ATXN3: variants seen among roughly 807,000 people sequenced by gnomAD.
ATXN3 encodes ataxin-3.
ATXN3 carries 28 observed loss-of-function variants against 58.2 expected under a neutral mutation model. That is an observed-to-expected ratio of 0.48 (90% CI 0.36 to 0.66). ATXN3 has a LOEUF of 0.66. Ranked by LOEUF, ATXN3 falls within the 30% of genes least tolerant of loss-of-function variation. The pLI, the probability that ATXN3 is intolerant of heterozygous loss-of-function variation, is 0.00. For missense variants in ATXN3, 321 were observed against 422.1 expected (o/e 0.76, Z 2.10); for synonymous variants, 113 against 138.5 (o/e 0.82, Z 1.29).
At chr14:92,051,638 A>AT (rs1224103885), upstream of ATXN3, among the ~76,000 whole-genome samples, 3,114 of 68,766 alleles carry the variant, frequency 0.045, 59 homozygotes, top group Non-Finnish European at 0.071. Context: ...ATTTATTTTA[A>AT]TTTTTTTTTT....
downstream of ATXN3, among the ~76,000 whole-genome samples, chr14:92,054,256 C>T (rs964729107): frequency 3.3e-5 from 5 of 152,122 alleles, no homozygotes; most frequent in African/African-American, 9.7e-5. Flanking sequence ...TGAATAGGAG[C>T]TGGGTAAAAT....
In ATXN3 at chr14:92,064,169, C is replaced by T. The variant is rs709930; in HGVS notation, c.*151G>A. 0.26 allele frequency: 136,993 copies of T among 525,556 alleles called. 18,866 individuals carry two copies. Among genetic ancestry groups the T allele is most frequent in the East Asian group, 0.39 (12,534 of 31,748 alleles). 32.6% of individuals were successfully genotyped at this position (525,556 alleles called of 1,614,324 possible). A position where few individuals can be genotyped will look rare whatever the true frequency, so the allele number is the denominator to read the frequency against. ...GATCATTATTTAGTCCTACAACCGACGCATTGTTCCACTTTCCCATCATTT... is the reference window on the plus strand; with the variant it reads ...GATCATTATTTAGTCCTACAACCGATGCATTGTTCCACTTTCCCATCATTT... On this transcript the variant is annotated 3_prime_UTR_variant, in exon 11 of 11. Transcript: ENST00000644486.
chr14:92,098,413 C>T (rs945367311), intron 1 of ATXN3, among the ~76,000 whole-genome samples: 5 of 152,122 alleles, frequency 3.3e-5, no homozygotes, highest in Non-Finnish European at 5.9e-5. Context: ...TACGGTGAAA[C>T]CTCGTCTCTA....
intron 10 of ATXN3, among the ~76,000 whole-genome samples, chr14:92,065,507 G>A (rs894202108): frequency 1.3e-5 from 2 of 152,046 alleles, no homozygotes; most frequent in Non-Finnish European, 2.9e-5. Flanking sequence ...GCCGAGGCAG[G>A]CAGATTGCTT....
rs2057839518 is a variant in ATXN3, at chr14:92,062,363, A to G, written c.*1957T>C. The G allele has an allele frequency of 6.6e-6, 1 of 152,332 alleles. No individual in the cohort carries two copies. Among genetic ancestry groups the G allele is most frequent in the Middle Eastern group, 3.4e-3 (1 of 294 alleles). 9.4% of individuals were successfully genotyped at this position (152,332 alleles called of 1,614,324 possible). On this transcript the variant is annotated 3_prime_UTR_variant, in exon 11 of 11. Coordinates refer to ENST00000644486, the MANE Select transcript of ATXN3 (RefSeq NM_004993.6). ...GGTATATATGAACTTTATAAACTCT[A>G]AAGTTAAAACTTTAAAATGCATATT...
At position 92,081,081 on chromosome 14, in the gene ATXN3, C is replaced by T. The variant is rs761553; in HGVS notation, c.776-20G>A. 19 of 1,476,082 alleles carry T rather than the reference C, an allele frequency of 1.3e-5. No individual in the cohort carries two copies. Among genetic ancestry groups the T allele is most frequent in the Non-Finnish European group, 1.8e-5 (19 of 1,056,856 alleles). The allele number at this position is 1,476,082 out of a possible 1,614,324, so 91.4% of individuals were successfully genotyped here. ...AACTACCTGAAAACAAAACACAACACAACAAAAACCAATCACTGTATTTAC... is the reference window on the plus strand; with the variant it reads ...AACTACCTGAAAACAAAACACAACATAACAAAAACCAATCACTGTATTTAC... On this transcript the variant is annotated intron_variant, in intron 8 of 10. Transcript: ENST00000644486.
intron 10 of ATXN3, chr14:92,070,719 T>A: frequency 7.8e-7 from 1 of 1,276,760 alleles, no homozygotes; most frequent in Middle Eastern, 2.7e-4. Flanking sequence ...GTGCTGGGAT[T>A]ACAGATGTGA....
rs929062309 is a variant in ATXN3, at chr14:92,062,073, A to G, written c.*2247T>C. 4.6e-5 allele frequency: 7 copies of G among 152,398 alleles called. No homozygotes were observed. Among genetic ancestry groups the G allele is most frequent in the East Asian group, 1.9e-4 (1 of 5,188 alleles). 9.4% of individuals were successfully genotyped at this position (152,398 alleles called of 1,614,324 possible). On this transcript the variant is annotated 3_prime_UTR_variant, in exon 11 of 11. Transcript: ENST00000644486. ...GAGTTCGAGACCAGCCTGGCCAAAC[A>G]TGATGAAACCGCGTCTCTACCAAAA...
chr14:92,085,649 G>A (rs1416172498), intron 6 of ATXN3, among the ~76,000 whole-genome samples: 1 of 152,162 alleles, frequency 6.6e-6, no homozygotes, highest in Non-Finnish European at 1.5e-5. Flanking sequence ...TATGGAAATG[G>A]AAAACCTGAT....
At position 92,060,061 on chromosome 14, in the gene ATXN3, TAA is replaced by T. The variant is rs2057650550; in HGVS notation, c.*4257_*4258del. 1.3e-5 allele frequency: 2 copies of T among 149,620 alleles called. No homozygotes were observed. Among genetic ancestry groups the T allele is most frequent in the African/African-American group, 2.4e-5 (1 of 41,020 alleles). 9.3% of individuals were successfully genotyped at this position (149,620 alleles called of 1,614,324 possible). On this transcript the variant is annotated 3_prime_UTR_variant, in exon 11 of 11. Transcript: ENST00000644486. ...CAGGTGCCCGCCACCATACCTGGCT[TAA>T]GTTTTGTATTTTTAGTAGAGATGGG...
In ATXN3 at chr14:92,060,750, T is replaced by TTTTA. The variant is rs1216047120; in HGVS notation, c.*3569_*3570insTAAA. On this transcript the variant is annotated 3_prime_UTR_variant, in exon 11 of 11. Coordinates refer to ENST00000644486, the MANE Select transcript of ATXN3 (RefSeq NM_004993.6). ...ACTAGCATGATTTTTTTTTTTTTTT[T>TTTTA]GAGACAGAGTCTCACTCTGTCGCCC... is the stretch of plus-strand genomic sequence containing the variant. The TTTTA allele has an allele frequency of 1.3e-5, 2 of 151,648 alleles. No individual in the cohort carries two copies. The highest frequency in any genetic ancestry group is 1.9e-4 in the East Asian group (1 of 5,156). The allele number at this position is 151,648 out of a possible 1,614,324, so 9.4% of individuals were successfully genotyped here. A position where few individuals can be genotyped will look rare whatever the true frequency, so the allele number is the denominator to read the frequency against.
intron 10 of ATXN3, among the ~76,000 whole-genome samples, chr14:92,065,803 C>T (rs1314358306): frequency 2.6e-5 from 4 of 152,088 alleles, no homozygotes. Flanking sequence ...ATGGCGTGAA[C>T]CCGGGAGGCA....
chr14:92,089,183 A>G (rs1183084709), intron 5 of ATXN3, among the ~76,000 whole-genome samples: 1 of 145,188 alleles, frequency 6.9e-6, no homozygotes, highest in African/African-American at 2.6e-5. Flanking sequence ...CACCCAGCTA[A>G]TTTTTGTATT....
Position 92,106,512 on chromosome 14 carries a change from C to G in ATXN3, c.24+17G>C. On this transcript the variant is annotated intron_variant, in intron 1 of 10. Coordinates refer to ENST00000644486, the MANE Select transcript of ATXN3 (RefSeq NM_004993.6). Reference sequence around the variant, plus strand: ...CACCGCGCGGCAGACAGCTCCCCACCGAACGCGGACACTCACTTTCTCGTG... The same window carrying G: ...CACCGCGCGGCAGACAGCTCCCCACGGAACGCGGACACTCACTTTCTCGTG... 6.2e-7 allele frequency: 1 copy of G among 1,613,394 alleles called. No individual in the cohort carries two copies. Among genetic ancestry groups the G allele is most frequent in the African/African-American group, 1.3e-5 (1 of 75,006 alleles).
intron 1 of ATXN3, among the ~76,000 whole-genome samples, chr14:92,099,028 A>G (rs1329116746): frequency 3.9e-5 from 6 of 152,200 alleles, no homozygotes; most frequent in Non-Finnish European, 5.9e-5. Flanking sequence ...ACCTGATAAG[A>G]AGGGAGAATC....
intron 3 of ATXN3, among the ~76,000 whole-genome samples, chr14:92,094,067 C>T (rs1363355768): frequency 2.0e-5 from 3 of 151,710 alleles, no homozygotes; most frequent in East Asian, 1.9e-4. Flanking sequence ...CTGAGGCTCC[C>T]GAGTAGCTGG....
chr14:92,102,407 A>C (rs2067046844), intron 1 of ATXN3, among the ~76,000 whole-genome samples: 1 of 152,210 alleles, frequency 6.6e-6, no homozygotes, highest in Non-Finnish European at 1.5e-5. Flanking sequence ...TAATGTATAA[A>C]ATCACAAAAG....
At chr14:92,076,939 C>CACAAAAAAAA (rs2060504303) in intron 9 of ATXN3, among the ~76,000 whole-genome samples, 1 of 59,832 alleles carries the variant, frequency 1.7e-5, no homozygotes, top group African/African-American at 6.3e-5. Flanking sequence ...GATTTCGTCT[C>CACAAAAAAAA]AAAAAAAAAA....
chr14:92,070,919 G>C lies in ATXN3; in HGVS notation c.991+16C>G. Reference sequence around the variant, plus strand: ...TGTGAAGGTAGCGAACATGATGAATGGTGAGCAGGCCTTACCTAGATCACT... The same window carrying C: ...TGTGAAGGTAGCGAACATGATGAATCGTGAGCAGGCCTTACCTAGATCACT... On this transcript the variant is annotated intron_variant, in intron 10 of 10. Transcript: ENST00000644486. 6.2e-7 allele frequency: 1 copy of C among 1,612,860 alleles called. No individual in the cohort carries two copies. The highest frequency in any genetic ancestry group is 1.3e-5 in the African/African-American group (1 of 74,554).
Sources: gnomAD v4.1 joint callset for allele counts (sites outside exome capture counted in the v4.1 genomes callset) on GRCh38, gnomAD v4.1.1 for gene constraint, MANE v1.5 for transcripts, NCBI Gene and HGNC (gene_info 2026-07-23, HGNC 2026-07-21) for gene names.